Variants in LHFPL2 observed in about 807,000 individuals in gnomAD.
LHFPL2 encodes the protein LHFPL tetraspan subfamily member 2.
In LHFPL2, 7 loss-of-function variants were observed where a neutral mutation model predicts 17.5. That is an observed-to-expected ratio of 0.40 (90% confidence interval 0.23 to 0.75). The LOEUF is 0.75. Among genes scored for constraint, LHFPL2 ranks in the 30% least tolerant of loss-of-function variants. The pLI is 0.37. For missense variants in LHFPL2, 241 were observed against 294.8 expected (o/e 0.82, Z 1.34); for synonymous variants, 134 against 116.2 (o/e 1.15, Z -0.99).
At chr5:78,509,565 G>C (rs764694234) in intron 4 of LHFPL2, among the ~76,000 whole-genome samples, 1 of 152,246 alleles carries the variant, frequency 6.6e-6, no homozygotes, top group Non-Finnish European at 1.5e-5. Context: ...CGTAAGACCA[G>C]AGAACAAGCC....
chr5:78,593,649 C>T (rs1289792063), intron 2 of LHFPL2, among the ~76,000 whole-genome samples: 2 of 152,152 alleles, frequency 1.3e-5, no homozygotes, highest in Admixed American at 6.5e-5. Flanking sequence ...ATTTATAGTA[C>T]ATCTGGTAGT....
At chr5:78,494,762 C>T (rs1434484357) in intron 4 of LHFPL2, among the ~76,000 whole-genome samples, 9 of 152,208 alleles carry the variant, frequency 5.9e-5, no homozygotes, top group South Asian at 2.1e-4. Context: ...TTTATCTACC[C>T]GTGCAAGAAT....
At chr5:78,618,116 A>G (rs2042874) in intron 2 of LHFPL2, among the ~76,000 whole-genome samples, 60,537 of 151,746 alleles carry the variant, frequency 0.4, 12,142 homozygotes, top group Non-Finnish European at 0.44. Context: ...AAGGAGAATC[A>G]ATTGAACCCG....
chr5:78,608,473 T>C (rs1744301873), intron 2 of LHFPL2, among the ~76,000 whole-genome samples: 1 of 152,102 alleles, frequency 6.6e-6, no homozygotes. Flanking sequence ...ATAACTGCAT[T>C]CTAGAATAAT....
At chr5:78,559,992 G>A (rs905143353) in intron 3 of LHFPL2, among the ~76,000 whole-genome samples, 2 of 152,156 alleles carry the variant, frequency 1.3e-5, no homozygotes, top group African/African-American at 2.4e-5. Flanking sequence ...CAACAATGGC[G>A]ATGTATTTGC....
chr5:78,499,497 G>A (rs1171599650), intron 4 of LHFPL2, among the ~76,000 whole-genome samples: 1 of 152,180 alleles, frequency 6.6e-6, no homozygotes, highest in Non-Finnish European at 1.5e-5. Flanking sequence ...AGAGAATCTG[G>A]CTCCAGAGTC....
rs1755406912 is a variant in LHFPL2, at chr5:78,520,093, G to A, written c.-185-9695C>T. On this transcript the variant is annotated intron_variant, in intron 3 of 4. Transcript: ENST00000380345. ...GCTTTTTGGGTGGAACACAAAAACT[G>A]TGCACGGAGAGCCAGGTATAATCGT... Among the ~76,000 whole-genome samples, 5 of 152,266 alleles carry A rather than the reference G, an allele frequency of 3.3e-5. No individual in the cohort carries two copies. The South Asian group carries it at 1.0e-3, about 32-fold the overall frequency.
At chr5:78,610,842 G>A (rs1744400246) in intron 2 of LHFPL2, among the ~76,000 whole-genome samples, 1 of 151,820 alleles carries the variant, frequency 6.6e-6, no homozygotes, top group South Asian at 2.1e-4. Context: ...ATGGCCACAT[G>A]CATGGACTGA....
At chr5:78,499,631 ATC>A (rs1754711922) in intron 4 of LHFPL2, among the ~76,000 whole-genome samples, 2 of 152,236 alleles carry the variant, frequency 1.3e-5, no homozygotes, top group African/African-American at 4.8e-5. Context: ...GCTTAGTTAT[ATC>A]TACAAGGATT....
intron 2 of LHFPL2, among the ~76,000 whole-genome samples, chr5:78,607,017 G>A (rs1046900761): frequency 6.6e-6 from 1 of 152,088 alleles, no homozygotes; most frequent in African/African-American, 2.4e-5. Context: ...GATTTGCCTT[G>A]CAGCCTAAGT....
At chr5:78,591,320 A>G (rs1278378046) in intron 2 of LHFPL2, among the ~76,000 whole-genome samples, 1 of 152,144 alleles carries the variant, frequency 6.6e-6, no homozygotes, top group African/African-American at 2.4e-5. Flanking sequence ...GCCCTGCAAC[A>G]TTTTTCCCTT....
At chr5:78,561,283 A>T (rs1418866512) in intron 3 of LHFPL2, among the ~76,000 whole-genome samples, 1 of 152,266 alleles carries the variant, frequency 6.6e-6, no homozygotes, top group African/African-American at 2.4e-5. Context: ...AAGTAAGTAG[A>T]AAGAAAACTT....
At chr5:78,639,135 G>T (rs2112525138) in intron 1 of LHFPL2, among the ~76,000 whole-genome samples, 1 of 152,222 alleles carries the variant, frequency 6.6e-6, no homozygotes, top group South Asian at 2.1e-4. Flanking sequence ...TGTCCACACA[G>T]GTGTACACAC....
chr5:78,620,820 T>TCG (rs1744826045), intron 2 of LHFPL2, among the ~76,000 whole-genome samples: 1 of 152,254 alleles, frequency 6.6e-6, no homozygotes, highest in Non-Finnish European at 1.5e-5. Flanking sequence ...AGCTCCAAAC[T>TCG]ATTCTCAATG....
intron 4 of LHFPL2, among the ~76,000 whole-genome samples, chr5:78,492,813 T>TG (rs1754488701): frequency 1.3e-5 from 2 of 152,228 alleles, no homozygotes; most frequent in South Asian, 2.1e-4. Context: ...ATCTGCCCTG[T>TG]GGGTGTGAAG....
intron 3 of LHFPL2, among the ~76,000 whole-genome samples, chr5:78,525,956 C>T (rs1755610983): frequency 6.6e-6 from 1 of 152,210 alleles, no homozygotes; most frequent in Non-Finnish European, 1.5e-5. Context: ...CAAGAGCTGC[C>T]TTCCAGCTTC....
At position 78,488,772 on chromosome 5, in the gene LHFPL2, A is replaced by T; in HGVS notation, c.*125T>A. On this transcript the variant is annotated 3_prime_UTR_variant, in exon 5 of 5. Coordinates refer to ENST00000380345, the MANE Select transcript of LHFPL2 (RefSeq NM_005779.3). Reference sequence around the variant, plus strand: ...ATGTGGCCTCTCATTGGTCCTGTTTAAGCCTCGGGCCGTGGAACGTGGCTT... The same window carrying T: ...ATGTGGCCTCTCATTGGTCCTGTTTTAGCCTCGGGCCGTGGAACGTGGCTT... The T allele has an allele frequency of 1.8e-6, 2 of 1,095,206 alleles. No individual in the cohort carries two copies. Among genetic ancestry groups the T allele is most frequent in the Non-Finnish European group, 2.7e-6 (2 of 749,502 alleles). 67.8% of individuals were successfully genotyped at this position (1,095,206 alleles called of 1,614,324 possible). A position where few individuals can be genotyped will look rare whatever the true frequency, so the allele number is the denominator to read the frequency against.
intron 2 of LHFPL2, among the ~76,000 whole-genome samples, chr5:78,574,637 G>C (rs2112431322): frequency 6.6e-6 from 1 of 152,360 alleles, no homozygotes; most frequent in Non-Finnish European, 1.5e-5. Context: ...AACCACTGCT[G>C]ATCAGCAAAT....
At chr5:78,524,206 G>A (rs1196311199) in intron 3 of LHFPL2, among the ~76,000 whole-genome samples, 1 of 152,202 alleles carries the variant, frequency 6.6e-6, no homozygotes, top group Non-Finnish European at 1.5e-5. Context: ...CCCAGGTTAT[G>A]CTCCTCGGCC....
Sources: gnomAD v4.1 joint callset for allele counts (sites outside exome capture counted in the v4.1 genomes callset) on GRCh38, gnomAD v4.1.1 for gene constraint, MANE v1.5 for transcripts, NCBI Gene and HGNC (gene_info 2026-07-23, HGNC 2026-07-21) for gene names.